HTR1F: variants seen among roughly 807,000 people sequenced by gnomAD.
The protein encoded by HTR1F is 5-hydroxytryptamine receptor 1F.
In HTR1F, 17 loss-of-function variants were observed where a neutral mutation model predicts 24.0. The observed-to-expected ratio is 0.71, with a 90% confidence interval of 0.48 to 1.06. HTR1F has a LOEUF of 1.06. Ranked by LOEUF, HTR1F falls within the 50% of genes least tolerant of loss-of-function variation. The probability of loss-of-function intolerance (pLI) is 0.00; values close to 1 mark genes in which losing one functional copy is unlikely to be tolerated. For synonymous variants in HTR1F, 186 were observed against 156.8 expected (o/e 1.19, Z -1.39); for missense variants, 391 against 427.8 (o/e 0.91, Z 0.76).
At chr3:87,904,089 G>T (rs951136412) in intron 2 of HTR1F, among the ~76,000 whole-genome samples, 1 of 152,008 alleles carries the variant, frequency 6.6e-6, no homozygotes, top group Admixed American at 6.6e-5. Context: ...CACAAAAAAG[G>T]ATAGGCAGTA....
intron 2 of HTR1F, among the ~76,000 whole-genome samples, chr3:87,854,824 C>G (rs1282092581): frequency 6.6e-6 from 1 of 151,942 alleles, no homozygotes; most frequent in African/African-American, 2.4e-5. Context: ...ATTTAAGACT[C>G]GTCTTGACAT....
intron 2 of HTR1F, among the ~76,000 whole-genome samples, chr3:87,936,449 C>T (rs1214361024): frequency 6.6e-6 from 1 of 152,078 alleles, no homozygotes; most frequent in Non-Finnish European, 1.5e-5. Flanking sequence ...TTTTTAAAAA[C>T]TTTATCATCT....
chr3:87,949,639 C>CTTA (rs1704790009), intron 2 of HTR1F, among the ~76,000 whole-genome samples: 2 of 152,204 alleles, frequency 1.3e-5, no homozygotes, highest in Admixed American at 1.3e-4. Context: ...TCTTTGCCTT[C>CTTA]TTACCATGAC....
At chr3:87,879,123 T>C (rs1201865488) in intron 2 of HTR1F, among the ~76,000 whole-genome samples, 2 of 152,176 alleles carry the variant, frequency 1.3e-5, no homozygotes, top group Non-Finnish European at 2.9e-5. Context: ...TTCAACTAAG[T>C]AATTTCTTTT....
At chr3:87,826,845 C>G (rs1265399651) in intron 2 of HTR1F, among the ~76,000 whole-genome samples, 2 of 152,116 alleles carry the variant, frequency 1.3e-5, no homozygotes, top group Non-Finnish European at 2.9e-5. Flanking sequence ...GGGTCTCACT[C>G]TGTCACCCAG....
intron 2 of HTR1F, among the ~76,000 whole-genome samples, chr3:87,861,411 G>A (rs1057368000): frequency 6.6e-5 from 10 of 152,000 alleles, no homozygotes; most frequent in African/African-American, 9.7e-5. Context: ...TTTACCTCCT[G>A]AAAATGACAA....
intron 2 of HTR1F, among the ~76,000 whole-genome samples, chr3:87,921,311 A>T (rs1349154339): frequency 6.6e-6 from 1 of 152,094 alleles, no homozygotes; most frequent in East Asian, 1.9e-4. Context: ...ATAATTTATC[A>T]TAAGAATTTA....
At chr3:87,809,456 A>AT (rs1228243239) in intron 1 of HTR1F, among the ~76,000 whole-genome samples, 1 of 152,018 alleles carries the variant, frequency 6.6e-6, no homozygotes. Flanking sequence ...TTAATATTAC[A>AT]TTTTGTCTAG....
intron 2 of HTR1F, among the ~76,000 whole-genome samples, chr3:87,895,589 G>A (rs776460177): frequency 2.6e-4 from 40 of 151,932 alleles, no homozygotes; most frequent in Non-Finnish European, 5.0e-4. Context: ...ATACATCTTC[G>A]GATTTTACCA....
intron 2 of HTR1F, among the ~76,000 whole-genome samples, chr3:87,910,728 C>T (rs555504131): frequency 3.3e-5 from 5 of 152,100 alleles, no homozygotes; most frequent in South Asian, 4.2e-4. Flanking sequence ...AGACATAAAA[C>T]AATCCTCAGC....
At chr3:87,931,368 G>C (rs1415236827) in intron 2 of HTR1F, among the ~76,000 whole-genome samples, 1 of 152,136 alleles carries the variant, frequency 6.6e-6, no homozygotes, top group Admixed American at 6.5e-5. Context: ...TCCCTACAAA[G>C]GACGTGAACT....
chr3:87,955,676 T>G (rs1164906807), intron 2 of HTR1F, among the ~76,000 whole-genome samples: 1 of 151,496 alleles, frequency 6.6e-6, no homozygotes, highest in Non-Finnish European at 1.5e-5. Context: ...GCATGAAGAT[T>G]CTGTATGCTC....
chr3:87,806,203 G>A (rs111675502), intron 1 of HTR1F, among the ~76,000 whole-genome samples: 274 of 152,136 alleles, frequency 1.8e-3, no homozygotes, highest in African/African-American at 6.2e-3. Flanking sequence ...TATGAATAAT[G>A]CTGCAATAAA....
At chr3:87,905,169 G>A (rs1230439984) in intron 2 of HTR1F, among the ~76,000 whole-genome samples, 1 of 151,824 alleles carries the variant, frequency 6.6e-6, no homozygotes, top group Non-Finnish European at 1.5e-5. Context: ...AGTTAGTTGA[G>A]TTTGGTGGTA....
chr3:87,801,628 GACAC>G (rs1209225881), intron 1 of HTR1F, among the ~76,000 whole-genome samples: 1 of 152,160 alleles, frequency 6.6e-6, no homozygotes, highest in African/African-American at 2.4e-5. Context: ...AGATAGGTGA[GACAC>G]ACACAGTTGC....
chr3:87,794,293 A>G (rs1177393671), intron 1 of HTR1F, among the ~76,000 whole-genome samples: 1 of 152,164 alleles, frequency 6.6e-6, no homozygotes, highest in Admixed American at 6.5e-5. Flanking sequence ...AGGTCCAAGC[A>G]TCACCACTTC....
At chr3:87,974,440 T>C (rs1310316980) in intron 2 of HTR1F, among the ~76,000 whole-genome samples, 1 of 152,174 alleles carries the variant, frequency 6.6e-6, no homozygotes, top group Non-Finnish European at 1.5e-5. Context: ...TTACTGCTTG[T>C]TATAGTCTTA....
At chr3:87,958,017 G>C (rs1282899272) in intron 2 of HTR1F, among the ~76,000 whole-genome samples, 10 of 151,138 alleles carry the variant, frequency 6.6e-5, no homozygotes, top group Non-Finnish European at 1.0e-4. Flanking sequence ...ATAAAAATAA[G>C]CTCTAAATCC....
At chr3:87,871,269 A>G (rs1705549966) in intron 2 of HTR1F, among the ~76,000 whole-genome samples, 1 of 152,034 alleles carries the variant, frequency 6.6e-6, no homozygotes, top group Admixed American at 6.6e-5. Flanking sequence ...AAATAAATGA[A>G]AAAATTGACT....
Sources: allele counts gnomAD v4.1 joint callset (sites outside exome capture counted in the v4.1 genomes callset), GRCh38; gene constraint gnomAD v4.1.1; transcripts MANE v1.5; gene names NCBI Gene and HGNC (gene_info 2026-07-23, HGNC 2026-07-21).